Variants in MAP3K4 observed in about 807,000 individuals in gnomAD.
MAP3K4 encodes mitogen-activated protein kinase kinase kinase 4.
In MAP3K4, 67 loss-of-function variants were observed where a neutral mutation model predicts 185.6. The observed-to-expected ratio is 0.36, with a 90% CI of 0.30 to 0.44. The LOEUF is 0.44. MAP3K4 is among the 20% of genes least tolerant of loss of function. The pLI is 1.00. For synonymous variants in MAP3K4, 702 were observed against 710.4 expected, an observed-to-expected ratio of 0.99 and a Z score of 0.19; for missense variants, 1,551 against 1,995.1, an observed-to-expected ratio of 0.78 and a Z score of 4.24.
rs1784903573 is a variant in MAP3K4 at position 161,070,760 on chromosome 6, C to T, written c.1860C>T (p.Cys620=). The T allele has an allele frequency of 6.2e-7, 1 of 1,614,104 alleles. No homozygotes were observed. Among genetic ancestry groups the T allele is most frequent in the Non-Finnish European group, 8.5e-7 (1 of 1,180,012 alleles). The change falls in exon 4 of 27, where the codon TGC becomes TGT. Residue 620 remains cysteine, a synonymous_variant. Transcript: ENST00000392142. The surrounding 1 kb of genome is among the most constrained non-coding windows in gnomAD (Gnocchi z 4.5). ...PSFEPAFLVL[C]RVLLNVIHEC... is the part of the protein sequence containing the mutation. ...TCGAACCTGCCTTCCTAGTTCTCTG[C>T]CGAGTCCTTCTGAATGTCATACATG...
intron 1 of MAP3K4, among the ~76,000 whole-genome samples, chr6:161,015,205 C>G (rs1782032956): frequency 6.6e-6 from 1 of 151,606 alleles, no homozygotes. Context: ...CCTCAGCAAA[C>G]TAACACAGGA....
At position 161,116,587 on chromosome 6, in the gene MAP3K4, A is replaced by G. The variant is rs766511401; in HGVS notation, c.4807-263A>G. Among the ~76,000 whole-genome samples, 5 of 152,228 alleles carry G rather than the reference A, an allele frequency of 3.3e-5. No homozygotes were observed. Among genetic ancestry groups the G allele is most frequent in the African/African-American group, 1.2e-4 (5 of 41,452 alleles). On this transcript the variant is annotated intron_variant, in intron 26 of 26. Transcript: ENST00000392142. The surrounding 1 kb of genome is among the most constrained non-coding windows in gnomAD (Gnocchi z 6.2). ...AATTTATGTCTTAGTTATGAAGTGC[A>G]TAACAATTTATATTGACCTGAGAGT...
Position 161,106,459 on chromosome 6 carries a change from G to A in MAP3K4, c.3857-55G>A. ...TCTATTTTTATTGGTTTGTCTTTTGGAAACTGACTTGATAACAGTGATTGG... is the reference window on the plus strand; with the variant it reads ...TCTATTTTTATTGGTTTGTCTTTTGAAAACTGACTTGATAACAGTGATTGG... On this transcript the variant is annotated intron_variant, in intron 19 of 26. Coordinates refer to ENST00000392142, the MANE Select transcript of MAP3K4 (RefSeq NM_005922.4). The surrounding 1 kb of genome is among the most constrained non-coding windows in gnomAD (Gnocchi z 4.9). 2 of 1,358,266 alleles carry A rather than the reference G, an allele frequency of 1.5e-6. No homozygotes were observed. The highest frequency in any genetic ancestry group is 2.0e-6 in the Non-Finnish European group (2 of 987,346). 84.1% of individuals were successfully genotyped at this position (1,358,266 alleles called of 1,614,324 possible).
Position 161,107,020 on chromosome 6 carries a change from G to T in MAP3K4, c.4048+315G>T, listed in dbSNP as rs1216468026. Among the ~76,000 whole-genome samples the T allele has an allele frequency of 6.9e-6, 1 of 144,240 alleles. No homozygotes were observed. The highest frequency in any genetic ancestry group is 2.6e-5 in the African/African-American group (1 of 38,404). The allele number at this position is 144,240 out of a possible 152,430, so 94.6% of individuals were successfully genotyped here. ...ACCAAAATTTGACCCATTTGTTCTA[G>T]TTTCTCTCTCTCTCTCTACACACGC... is the stretch of plus-strand genomic sequence containing the variant. On this transcript the variant is annotated intron_variant, in intron 20 of 26. Transcript: ENST00000392142. This position sits in a 1 kb window ranked among gnomAD's most constrained non-coding sequence, Gnocchi z 6.2.
At chr6:161,094,015 C>A (rs1334246256) in intron 15 of MAP3K4, among the ~76,000 whole-genome samples, 164 bp downstream of exon 15, 1 of 152,262 alleles carries the variant, frequency 6.6e-6, no homozygotes, top group East Asian at 1.9e-4. Context: ...GAGAACTCCG[C>A]AGCAACCTTT....
chr6:161,091,413 A>G lies in MAP3K4; in HGVS notation c.3008A>G (p.Asn1003Ser), dbSNP rs771425535. The change falls in exon 12 of 27, where the codon AAT (asparagine) becomes AGT (serine). Residue 1003 changes from asparagine to serine, a missense_variant. Physicochemically the swap from Asn to Ser is conservative, Grantham distance 46 (BLOSUM62 1). Around this residue, in one of 16 missense-constraint regions of MAP3K4, gnomAD observed 261 missense variants for 306.5 expected, o/e 0.85. Coordinates refer to ENST00000392142, the MANE Select transcript of MAP3K4 (RefSeq NM_005922.4). The surrounding 1 kb of genome is among the most constrained non-coding windows in gnomAD (Gnocchi z 5.5). ...TTGGAGCTATGCAACAGGATAAGCA[A>G]TGCCATTGACCGCGTGGACCACATG... The part of the protein sequence containing the change: ...DALELCNRIS[N>S]AIDRVDHMFT... The G allele has an allele frequency of 3.7e-5, 59 of 1,613,948 alleles. No homozygotes were observed. The South Asian group carries it at 5.9e-4, about 16-fold the overall frequency.
At chr6:161,001,909 G>A (rs1781337425) in intron 1 of MAP3K4, among the ~76,000 whole-genome samples, 1 of 152,158 alleles carries the variant, frequency 6.6e-6, no homozygotes, top group Admixed American at 6.6e-5. Flanking sequence ...TAAGGTAAAA[G>A]AGGCAAATCC....
chr6:161,089,440 C>T lies in MAP3K4; in HGVS notation c.2942C>T (p.Pro981Leu), dbSNP rs202168620. ...TGCCAGGAGCAGACATCCAGTCAGC[C>T]GGTCATCGCCAAAGCTTTGCAGCAG... ...TLCQEQTSSQ[P>L]VIAKALQQLK... Residue 981 changes from proline to leucine, a missense_variant, in exon 11 of 27, where the codon CCG (proline) becomes CTG (leucine). Pro to Leu is a moderately conservative substitution (Grantham distance 98). Transcript: ENST00000392142. 8.5e-5 allele frequency: 137 copies of T among 1,614,176 alleles called. No individual in the cohort carries two copies. In the East Asian group the frequency reaches 2.5e-3, roughly 29 times the overall value.
chr6:161,074,905 AC>A lies in MAP3K4; in HGVS notation c.2097+1297del, dbSNP rs1785102957. Among the ~76,000 whole-genome samples the A allele has an allele frequency of 6.6e-6, 1 of 152,006 alleles. No homozygotes were observed. Among genetic ancestry groups the A allele is most frequent in the Admixed American group, 6.5e-5 (1 of 15,274 alleles). On this transcript the variant is annotated intron_variant, in intron 5 of 26. Coordinates refer to ENST00000392142, the MANE Select transcript of MAP3K4 (RefSeq NM_005922.4). This position sits in a 1 kb window ranked among gnomAD's most constrained non-coding sequence, Gnocchi z 5.0. ...CAGAGCAATAGGAGCTCTCCTGGCA[AC>A]CCCACCCAGCACATTTCCCCTGCCT...
Position 161,048,504 on chromosome 6 carries a change from A to G in MAP3K4, c.344-112A>G. The G allele has an allele frequency of 1.5e-6, 1 of 681,622 alleles. No individual in the cohort carries two copies. The highest frequency in any genetic ancestry group is 2.4e-6 in the Non-Finnish European group (1 of 420,562). The allele number at this position is 681,622 out of a possible 1,614,324, so 42.2% of individuals were successfully genotyped here. A position where few individuals can be genotyped will look rare whatever the true frequency, so the allele number is the denominator to read the frequency against. On this transcript the variant is annotated intron_variant, in intron 2 of 26. Transcript: ENST00000392142. The surrounding 1 kb of genome is among the most constrained non-coding windows in gnomAD (Gnocchi z 4.7). ...GATATGGTATGCTTTTTTTTCTTCC[A>G]TTAGCAGTCTGAAAATATAAATATG... is the stretch of plus-strand genomic sequence containing the variant.
rs1315882923 is a variant in MAP3K4, at chr6:161,048,812, A to T, written c.540A>T (p.Pro180=). The change falls in exon 3 of 27, where the codon CCA becomes CCT. Residue 180 remains proline, a synonymous_variant. Transcript: ENST00000392142. This position sits in a 1 kb window ranked among gnomAD's most constrained non-coding sequence, Gnocchi z 4.7. ...VGGSLPKKSI[P]DVDLNKPYLS... ...GATCTTTGCCAAAAAAATCAATTCC[A>T]GATGTGGATCTCAATAAGCCTTACC... 1 of 1,614,204 alleles carries T rather than the reference A, an allele frequency of 6.2e-7. No homozygotes were observed. The highest frequency in any genetic ancestry group is 1.7e-5 in the Admixed American group (1 of 60,030).
chr6:161,093,767 T>G lies in MAP3K4; in HGVS notation c.3349-6T>G, dbSNP rs1562535365. On this transcript the variant is annotated splice_region_variant and splice_polypyrimidine_tract_variant and intron_variant, in intron 14 of 26. Transcript: ENST00000392142. The surrounding 1 kb of genome is among the most constrained non-coding windows in gnomAD (Gnocchi z 5.2). ...TTTACCTTTCCCATTTTCTTTTGGT[T>G]TCTAGAGTTTACAAGCCTTGATGAA... is the stretch of plus-strand genomic sequence containing the variant. The G allele has an allele frequency of 1.2e-6, 2 of 1,600,762 alleles. No homozygotes were observed. The highest frequency in any genetic ancestry group is 1.7e-6 in the Non-Finnish European group (2 of 1,169,544).
intron 1 of MAP3K4, among the ~76,000 whole-genome samples, chr6:161,019,747 G>A (rs1051047869): frequency 3.3e-5 from 5 of 152,176 alleles, no homozygotes; most frequent in Middle Eastern, 3.4e-3. Flanking sequence ...GTGTTTAGTC[G>A]TAACCTTGAT....
chr6:161,114,444 A>C lies in MAP3K4; in HGVS notation c.4627-679A>C, dbSNP rs559169432. 2.8e-4 allele frequency among the ~76,000 whole-genome samples: 43 copies of C among 152,358 alleles called. No homozygotes were observed. The highest frequency in any genetic ancestry group is 9.4e-4 in the African/African-American group (39 of 41,586). On this transcript the variant is annotated intron_variant, in intron 25 of 26. Coordinates refer to ENST00000392142, the MANE Select transcript of MAP3K4 (RefSeq NM_005922.4). This position sits in a 1 kb window ranked among gnomAD's most constrained non-coding sequence, Gnocchi z 4.3. ...CCTTGCAGCTGCTGAAACAGATCAC[A>C]TATAAGTGCTCAGTAAATATTAGCT...
chr6:161,106,631 C>G lies in MAP3K4; in HGVS notation c.3974C>G (p.Pro1325Arg). 6.2e-7 allele frequency: 1 copy of G among 1,613,816 alleles called. No individual in the cohort carries two copies. The highest frequency in any genetic ancestry group is 8.5e-7 in the Non-Finnish European group (1 of 1,179,878). ...KNIIGQVCDTPKSYDNVMHVG... is the reference protein window; with the variant it reads ...KNIIGQVCDTRKSYDNVMHVG... ...ATCATTGGTCAAGTTTGTGATACGC[C>G]TAAGTCCTATGATAATGTTATGCAC... Residue 1325 changes from proline (P) to arginine (R), a missense_variant, in exon 20 of 27, where the codon CCT becomes CGT. Transcript: ENST00000392142. The surrounding 1 kb of genome is among the most constrained non-coding windows in gnomAD (Gnocchi z 4.9).
chr6:161,059,398 A>G (rs1197377128), intron 3 of MAP3K4, among the ~76,000 whole-genome samples: 3 of 152,134 alleles, frequency 2.0e-5, no homozygotes, highest in Non-Finnish European at 4.4e-5. Flanking sequence ...TGGTCTCCCA[A>G]AGTACTGGGA....
chr6:161,105,806 G>A (rs1009425231), intron 19 of MAP3K4, among the ~76,000 whole-genome samples: 4 of 150,998 alleles, frequency 2.6e-5, no homozygotes, highest in Admixed American at 1.3e-4. Context: ...AGTAGGTAGT[G>A]GAGAACCATG....
At position 161,064,119 on chromosome 6, in the gene MAP3K4, A is replaced by G. The variant is rs940887188; in HGVS notation, c.1708-6489A>G. ...TCCCAGAATTCTTTTTTTCAGTTTG[A>G]CCTGTACTAAATTGCCAGTATTTGA... On this transcript the variant is annotated intron_variant, in intron 3 of 26. Transcript: ENST00000392142. The surrounding 1 kb of genome is among the most constrained non-coding windows in gnomAD (Gnocchi z 4.3). Among the ~76,000 whole-genome samples the G allele has an allele frequency of 7.2e-5, 11 of 152,092 alleles. No individual in the cohort carries two copies. The highest frequency in any genetic ancestry group is 2.6e-4 in the Admixed American group (4 of 15,276).
rs1325259413 is a variant in MAP3K4 at position 161,051,818 on chromosome 6, A to T, written c.1707+1839A>T. 6.6e-6 allele frequency among the ~76,000 whole-genome samples: 1 copy of T among 152,170 alleles called. No homozygotes were observed. The highest frequency in any genetic ancestry group is 2.4e-5 in the African/African-American group (1 of 41,432). Reference sequence around the variant, plus strand: ...CCTAATACAATGTAAATGCTGTGTAAATAGTTGTTATACTGTATCTTTTTT... The same window carrying T: ...CCTAATACAATGTAAATGCTGTGTATATAGTTGTTATACTGTATCTTTTTT... On this transcript the variant is annotated intron_variant, in intron 3 of 26. Transcript: ENST00000392142. The surrounding 1 kb of genome is among the most constrained non-coding windows in gnomAD (Gnocchi z 4.2).
Sources: allele counts gnomAD v4.1 joint callset (sites outside exome capture counted in the v4.1 genomes callset), GRCh38; gene constraint gnomAD v4.1.1; regional missense constraint gnomAD v4.1.1; non-coding constraint Gnocchi (gnomAD v3.1); transcripts MANE v1.5; gene names NCBI Gene and HGNC (gene_info 2026-07-23, HGNC 2026-07-21).